The following DPP10 variants were observed in gnomAD, a reference collection of about 807,000 sequenced individuals.
The protein encoded by DPP10 is inactive dipeptidyl peptidase 10.
A neutral mutation model predicts 120.9 loss-of-function variants in DPP10; 33 were observed. That is an observed-to-expected ratio of 0.27 (90% CI 0.21 to 0.37). The LOEUF (loss-of-function observed/expected upper bound fraction) is 0.37. Among genes scored for constraint, DPP10 ranks in the 10% least tolerant of loss-of-function variants. The pLI is 1.00. For missense variants in DPP10, 816 were observed against 942.8 expected, an observed-to-expected ratio of 0.87 and a Z score of 1.76; for synonymous variants, 337 against 326.1, an observed-to-expected ratio of 1.03 and a Z score of -0.36.
chr2:115,557,394 C>A (rs939617716), intron 5 of DPP10, among the ~76,000 whole-genome samples: 1 of 152,176 alleles, frequency 6.6e-6, no homozygotes, highest in Non-Finnish European at 1.5e-5. Flanking sequence ...ACCAGTCTGT[C>A]ATTTTGACAC....
chr2:115,817,598 T>G (rs1207328140), intron 21 of DPP10, among the ~76,000 whole-genome samples: 1 of 152,186 alleles, frequency 6.6e-6, no homozygotes, highest in Non-Finnish European at 1.5e-5. Context: ...GTAAAAATAT[T>G]TTGTGAGCAT....
At chr2:114,720,771 C>T (rs1378948466) in intron 1 of DPP10, among the ~76,000 whole-genome samples, 3 of 152,142 alleles carry the variant, frequency 2.0e-5, no homozygotes, top group African/African-American at 7.2e-5. Flanking sequence ...TTAATAAGGA[C>T]CCTATTACAC....
At chr2:115,443,272 G>C (rs2072247560) in intron 3 of DPP10, among the ~76,000 whole-genome samples, 1 of 152,132 alleles carries the variant, frequency 6.6e-6, no homozygotes, top group Admixed American at 6.6e-5. Flanking sequence ...ATATTCAAAA[G>C]TAGCAAATAC....
At chr2:115,296,244 AT>A (rs2060878698) in intron 1 of DPP10, among the ~76,000 whole-genome samples, 1 of 151,872 alleles carries the variant, frequency 6.6e-6, no homozygotes, top group African/African-American at 2.4e-5. Flanking sequence ...GAATTGCCAA[AT>A]TTTCACCCAG....
chr2:115,144,822 A>G (rs1011838919), intron 1 of DPP10: 1 of 151,480 alleles, frequency 6.6e-6, no homozygotes, highest in African/African-American at 2.4e-5. Flanking sequence ...TAATAATAAA[A>G]AAATAAAATA....
chr2:115,078,782 C>T (rs1708001222), intron 1 of DPP10, among the ~76,000 whole-genome samples: 2 of 146,506 alleles, frequency 1.4e-5, no homozygotes, highest in African/African-American at 2.5e-5. Context: ...TTTCTTTGGT[C>T]TTCATATTAA....
intron 1 of DPP10, among the ~76,000 whole-genome samples, chr2:115,141,894 C>A (rs2050946257): frequency 3.9e-5 from 6 of 152,138 alleles, no homozygotes. Context: ...GTGCCTCAGC[C>A]TCCCGTGTAG....
In DPP10 at chr2:114,673,307, C is replaced by T. The variant is rs187893197; in HGVS notation, c.60+230469C>T. 8.5e-5 allele frequency among the ~76,000 whole-genome samples: 13 copies of T among 152,254 alleles called. 1 individual carries two copies. The East Asian group carries it at 2.5e-3, about 29-fold the overall frequency. On this transcript the variant is annotated intron_variant, in intron 1 of 25. Coordinates refer to ENST00000410059, the MANE Select transcript of DPP10 (RefSeq NM_020868.6). ...TCCAGTTCACATGCTGATTAATAAACATCACATTTGATTAGTCATAGTAAA... is the reference window on the plus strand; with the variant it reads ...TCCAGTTCACATGCTGATTAATAAATATCACATTTGATTAGTCATAGTAAA...
At chr2:114,511,439 T>C (rs1684138566) in intron 1 of DPP10, among the ~76,000 whole-genome samples, 1 of 152,226 alleles carries the variant, frequency 6.6e-6, no homozygotes. Flanking sequence ...TGCCCATTTA[T>C]TCTTGCACTA....
chr2:115,245,721 T>C (rs1287225982), intron 1 of DPP10, among the ~76,000 whole-genome samples: 1 of 152,140 alleles, frequency 6.6e-6, no homozygotes, highest in Non-Finnish European at 1.5e-5. Flanking sequence ...CTTTGCAGAC[T>C]TGTAAGAATT....
intron 1 of DPP10, among the ~76,000 whole-genome samples, chr2:114,498,033 A>G (rs1682832933): frequency 1.3e-5 from 2 of 152,182 alleles, no homozygotes; most frequent in African/African-American, 4.8e-5. Flanking sequence ...AAAATTGTTA[A>G]TATTATTTTG....
At chr2:114,577,075 C>T (rs1022933360) in intron 1 of DPP10, among the ~76,000 whole-genome samples, 21 of 152,058 alleles carry the variant, frequency 1.4e-4, no homozygotes, top group Admixed American at 3.9e-4. Context: ...CAGAGAACAA[C>T]GAATCATGAT....
At chr2:115,815,548 C>G in intron 20 of DPP10, 127 bp from the exon 21 acceptor site, 2 of 774,214 alleles carry the variant, frequency 2.6e-6, no homozygotes, top group Non-Finnish European at 3.8e-6. Context: ...AATACATGAA[C>G]AGAGCTACAG....
At chr2:115,725,467 T>C (rs1178040850) in intron 7 of DPP10, among the ~76,000 whole-genome samples, 1 of 152,220 alleles carries the variant, frequency 6.6e-6, no homozygotes, top group African/African-American at 2.4e-5. Context: ...GGCATGGCAT[T>C]AGAATTCTGA....
At chr2:114,895,949 T>A (rs1249094611) in intron 1 of DPP10, among the ~76,000 whole-genome samples, 1 of 152,224 alleles carries the variant, frequency 6.6e-6, no homozygotes, top group Admixed American at 6.5e-5. Flanking sequence ...GCTTTCTACA[T>A]ATGGCTAGTC....
At chr2:115,160,630 G>T (rs1427506067) in intron 1 of DPP10, among the ~76,000 whole-genome samples, 1 of 152,136 alleles carries the variant, frequency 6.6e-6, no homozygotes, top group African/African-American at 2.4e-5. Flanking sequence ...TCTCCGGTAA[G>T]CAATCTTCCA....
At chr2:115,576,070 G>A (rs1211713889) in intron 5 of DPP10, among the ~76,000 whole-genome samples, 1 of 152,148 alleles carries the variant, frequency 6.6e-6, no homozygotes, top group Non-Finnish European at 1.5e-5. Flanking sequence ...TGAAACTCAT[G>A]TTGGACTTGT....
chr2:114,873,168 A>G (rs1404761612), intron 1 of DPP10, among the ~76,000 whole-genome samples: 3 of 152,172 alleles, frequency 2.0e-5, no homozygotes, highest in East Asian at 3.9e-4. Context: ...GTCCTTTACT[A>G]TTGGTGAAGA....
intron 1 of DPP10, among the ~76,000 whole-genome samples, chr2:114,457,256 A>G (rs1420041854): frequency 6.6e-5 from 10 of 152,184 alleles, no homozygotes; most frequent in African/African-American, 1.4e-4. Context: ...TGCTATTGAC[A>G]TGTTGGGCCA....
Sources: gnomAD v4.1 joint callset for allele counts (sites outside exome capture counted in the v4.1 genomes callset) on GRCh38, gnomAD v4.1.1 for gene constraint, MANE v1.5 for transcripts, NCBI Gene and HGNC (gene_info 2026-07-23, HGNC 2026-07-21) for gene names.